The following ENTREP2 variants were observed in gnomAD, a reference collection of about 807,000 sequenced individuals.
ENTREP2 encodes endosomal transmembrane epsin interactor 2.
the ENTREP2 span, among the ~76,000 whole-genome samples, chr15:29,194,858 C>A: frequency 1.3e-5 from 2 of 152,194 alleles, no homozygotes; most frequent in Non-Finnish European, 2.9e-5. Flanking sequence ...CTGTTGAACA[C>A]CCCAACCAGC....
At chr15:29,525,959 C>A in the ENTREP2 span, among the ~76,000 whole-genome samples, 2 of 152,152 alleles carry the variant, frequency 1.3e-5, no homozygotes, top group Non-Finnish European at 2.9e-5. Flanking sequence ...AAAGTAATTT[C>A]TTCAACTTCA....
the ENTREP2 span, among the ~76,000 whole-genome samples, chr15:29,396,099 T>C: frequency 6.6e-6 from 1 of 152,222 alleles, no homozygotes; most frequent in Admixed American, 6.5e-5. Flanking sequence ...CTAGTTACCA[T>C]TTCTTCTGAG....
At chr15:29,597,482 C>T in the ENTREP2 span, among the ~76,000 whole-genome samples, 16 of 151,766 alleles carry the variant, frequency 1.1e-4, no homozygotes, top group Non-Finnish European at 2.4e-4. Flanking sequence ...GCAGGAGAAT[C>T]GCTTGAACCC....
At chr15:29,658,725 T>G in the ENTREP2 span, among the ~76,000 whole-genome samples, 1 of 152,248 alleles carries the variant, frequency 6.6e-6, no homozygotes, top group African/African-American at 2.4e-5. Flanking sequence ...CTGATAATTC[T>G]CTCATCCTTT....
chr15:29,232,375 C>T, the ENTREP2 span, among the ~76,000 whole-genome samples: 1 of 152,048 alleles, frequency 6.6e-6, no homozygotes, highest in Non-Finnish European at 1.5e-5. Context: ...TGTAAACTTT[C>T]AGCCAACCAA....
At chr15:29,568,769 G>A in the ENTREP2 span, among the ~76,000 whole-genome samples, 5 of 150,190 alleles carry the variant, frequency 3.3e-5, no homozygotes, top group Non-Finnish European at 5.9e-5. Flanking sequence ...GAATAACACT[G>A]CAAAAGCAAA....
the ENTREP2 span, among the ~76,000 whole-genome samples, chr15:29,193,301 T>C: frequency 2.6e-5 from 4 of 152,086 alleles, no homozygotes; most frequent in Admixed American, 1.3e-4. Context: ...ACCCTCAATG[T>C]TGGGGGGCAA....
the ENTREP2 span, among the ~76,000 whole-genome samples, chr15:29,184,346 C>G: frequency 6.6e-6 from 1 of 152,184 alleles, no homozygotes. Flanking sequence ...ATGCACAGAA[C>G]AAGGACCTGC....
the ENTREP2 span, among the ~76,000 whole-genome samples, chr15:29,274,121 C>T: frequency 1.2e-4 from 19 of 152,262 alleles, no homozygotes; most frequent in African/African-American, 4.6e-4. Flanking sequence ...GTGCTGTCCA[C>T]GATTTCAGGT....
the ENTREP2 span, among the ~76,000 whole-genome samples, chr15:29,168,540 A>G: frequency 4.4e-4 from 67 of 152,316 alleles, no homozygotes; most frequent in African/African-American, 1.6e-3. Context: ...TGTAGAAAGC[A>G]GTTATAGTCT....
At chr15:29,182,595 C>T in the ENTREP2 span, among the ~76,000 whole-genome samples, 2 of 151,846 alleles carry the variant, frequency 1.3e-5, no homozygotes, top group Non-Finnish European at 2.9e-5. Flanking sequence ...TAATTCTCCC[C>T]AGATTAACCT....
chr15:29,238,478 T>C, the ENTREP2 span, among the ~76,000 whole-genome samples: 1 of 151,138 alleles, frequency 6.6e-6, no homozygotes, highest in African/African-American at 2.4e-5. Flanking sequence ...TAAAAAAAAA[T>C]ACAAAAAATT....
At chr15:29,503,444 T>C in the ENTREP2 span, among the ~76,000 whole-genome samples, 153 of 152,200 alleles carry the variant, frequency 1.0e-3, 2 homozygotes, top group East Asian at 0.024. Flanking sequence ...GATTGGGGAA[T>C]TGGAGGTGAC....
At chr15:29,616,786 AT>A in the ENTREP2 span, among the ~76,000 whole-genome samples, 1 of 152,140 alleles carries the variant, frequency 6.6e-6, no homozygotes, top group Non-Finnish European at 1.5e-5. Flanking sequence ...ATAAGAGGAA[AT>A]TTAGGGGCTG....
At chr15:29,565,519 C>T in the ENTREP2 span, among the ~76,000 whole-genome samples, 4 of 152,098 alleles carry the variant, frequency 2.6e-5, no homozygotes, top group Admixed American at 2.6e-4. Flanking sequence ...ATACTTTGGA[C>T]TACTCCACAG....
At chr15:29,268,883 G>C in the ENTREP2 span, 1 of 1,614,046 alleles carries the variant, frequency 6.2e-7, no homozygotes, top group Non-Finnish European at 8.5e-7. Context: ...CAGTCCTTGG[G>C]GTCTTGATTA....
chr15:29,540,178 T>C, the ENTREP2 span, among the ~76,000 whole-genome samples: 220 of 152,268 alleles, frequency 1.4e-3, 6 homozygotes, highest in East Asian at 0.038. Context: ...GACAGGCCAA[T>C]GTATTGAATG....
the ENTREP2 span, among the ~76,000 whole-genome samples, chr15:29,308,076 T>C: frequency 6.6e-6 from 1 of 152,154 alleles, no homozygotes; most frequent in Non-Finnish European, 1.5e-5. Context: ...TTAAATTGAG[T>C]AAATTTCTCC....
the ENTREP2 span, among the ~76,000 whole-genome samples, chr15:29,154,885 T>C: frequency 1.3e-5 from 2 of 152,228 alleles, no homozygotes; most frequent in African/African-American, 4.8e-5. Flanking sequence ...ATTAGGATAA[T>C]ATCATGGAAG....
Sources: allele counts gnomAD v4.1 joint callset (sites outside exome capture counted in the v4.1 genomes callset), GRCh38; gene constraint gnomAD v4.1.1; transcripts MANE v1.5; gene names NCBI Gene and HGNC (gene_info 2026-07-23, HGNC 2026-07-21).